Variants in SMARCA4 observed in about 807,000 individuals in gnomAD.
SMARCA4 encodes the protein SWI/SNF related BAF chromatin remodeling complex subunit ATPase 4.
Under a neutral mutation model 193.9 loss-of-function variants are expected in SMARCA4, and 31 were observed. The observed-to-expected ratio is 0.16, with a 90% CI of 0.12 to 0.22. The LOEUF (loss-of-function observed/expected upper bound fraction) is 0.22. Among genes scored for constraint, SMARCA4 ranks in the 10% least tolerant of loss-of-function variants. The pLI is 1.00. For missense variants in SMARCA4, 1,148 were observed against 2,296.0 expected, an observed-to-expected ratio of 0.50 and a Z score of 10.22; for synonymous variants, 942 against 933.1, an observed-to-expected ratio of 1.01 and a Z score of -0.17.
chr19:10,996,356 G>A lies in SMARCA4; in HGVS notation c.1737G>A (p.Glu579=), dbSNP rs1555763753. The change falls in exon 10 of 35, where the codon GAG becomes GAA. Residue 579 remains glutamate, a synonymous_variant. Coordinates refer to ENST00000344626, the MANE Select transcript of SMARCA4 (RefSeq NM_003072.5). ...RQHKAAQVAK[E]KKKKKKKKKA... is the part of the protein sequence containing the mutation. ...ACAAGGCTGCCCAGGTCGCCAAGGAGAAAAAGAAGAAAAAGAAAAAGAAGG... is the reference window on the plus strand; with the variant it reads ...ACAAGGCTGCCCAGGTCGCCAAGGAAAAAAAGAAGAAAAAGAAAAAGAAGG... The A allele has an allele frequency of 2.5e-6, 4 of 1,614,204 alleles. No individual in the cohort carries two copies. The highest frequency in any genetic ancestry group is 3.4e-6 in the Non-Finnish European group (4 of 1,180,034).
chr19:10,987,118 C>T lies in SMARCA4; in HGVS notation c.859+115C>T. 1 of 758,202 alleles carries T rather than the reference C, an allele frequency of 1.3e-6. No homozygotes were observed. 47.0% of individuals were successfully genotyped at this position (758,202 alleles called of 1,614,324 possible). On this transcript the variant is annotated intron_variant, in intron 5 of 34. Transcript: ENST00000344626. This position sits in a 1 kb window ranked among gnomAD's most constrained non-coding sequence, Gnocchi z 5.3. ...GGCCGAGGGTGGTCAGGCTGAACTG[C>T]AGCCTGTACTTTTCTTGTGGTGGTC...
At chr19:10,996,591 CGTT>C (rs2087076692) in intron 11 of SMARCA4, 47 bp downstream of exon 11, 1 of 1,558,308 alleles carries the variant, frequency 6.4e-7, no homozygotes, top group Admixed American at 1.7e-5. Context: ...AGCCCTAAGG[CGTT>C]GGTCTGTTTC....
rs563911129 is a variant in SMARCA4 at position 11,028,777 on chromosome 19, C to T, written c.3382+827C>T. Reference sequence around the variant, plus strand: ...CTGTCAGTCCCAGTGGGTCAGGGAGCCCTGGAGTGAGTTCTTCGTGGGAGT... The same window carrying T: ...CTGTCAGTCCCAGTGGGTCAGGGAGTCCTGGAGTGAGTTCTTCGTGGGAGT... On this transcript the variant is annotated intron_variant, in intron 24 of 34. Transcript: ENST00000344626. 3.3e-5 allele frequency among the ~76,000 whole-genome samples: 5 copies of T among 152,290 alleles called. No homozygotes were observed. The East Asian group carries it at 7.7e-4, about 24-fold the overall frequency.
At chr19:10,989,750 G>A (rs2086392804) in intron 7 of SMARCA4, among the ~76,000 whole-genome samples, 1 of 147,978 alleles carries the variant, frequency 6.8e-6, no homozygotes, top group South Asian at 2.1e-4. Flanking sequence ...CACCTAGGCT[G>A]GAGTGCAGTG....
rs1447890611 is a variant in SMARCA4 at position 11,035,082 on chromosome 19, C to T, written c.4120C>T (p.Arg1374Cys). 2 of 1,612,912 alleles carry T rather than the reference C, an allele frequency of 1.2e-6. No homozygotes were observed. The highest frequency in any genetic ancestry group is 2.7e-5 in the African/African-American group (2 of 74,932). Residue 1374 changes from arginine to cysteine, a missense_variant, in exon 29 of 35, where the codon CGC becomes TGC. This residue lies in a region of SMARCA4 where 84 missense variants were observed against 202.2 expected (regional missense o/e 0.42). Transcript: ENST00000344626. ...EKMFGRGSRH[R>C]KEVDYSDSLT... ...GATGTTCGGCCGTGGCTCCCGCCAC[C>T]GCAAGGAGGTGGACTACAGCGACTC... is the stretch of plus-strand genomic sequence containing the variant.
At chr19:10,972,616 T>C (rs925163079) in intron 1 of SMARCA4, among the ~76,000 whole-genome samples, 8 of 152,176 alleles carry the variant, frequency 5.3e-5, no homozygotes, top group Non-Finnish European at 1.2e-4. Context: ...GGGGAAGGCC[T>C]GTCACGAGTG....
At chr19:11,035,874 C>G (rs545161890) in intron 29 of SMARCA4, among the ~76,000 whole-genome samples, 1 of 152,230 alleles carries the variant, frequency 6.6e-6, no homozygotes, top group East Asian at 1.9e-4. Context: ...AGCTCAGGGG[C>G]TCTGAGTTAT....
In SMARCA4 at chr19:10,986,157, C is replaced by G. The variant is rs11666942; in HGVS notation, c.356-32C>G. 1 of 1,556,284 alleles carries G rather than the reference C, an allele frequency of 6.4e-7. No individual in the cohort carries two copies. The highest frequency in any genetic ancestry group is 8.9e-7 in the Non-Finnish European group (1 of 1,127,834). On this transcript the variant is annotated intron_variant, in intron 3 of 34. Coordinates refer to ENST00000344626, the MANE Select transcript of SMARCA4 (RefSeq NM_003072.5). This position sits in a 1 kb window ranked among gnomAD's most constrained non-coding sequence, Gnocchi z 6.7. ...TGTAAAAATCACAGACATATGCTGC[C>G]GAGTGACCAGTGGGCTGACCTTTCT... is the stretch of plus-strand genomic sequence containing the variant.
intron 19 of SMARCA4, 119 bp from the exon 20 acceptor site, chr19:11,023,399 G>A: frequency 1.4e-6 from 1 of 721,216 alleles, no homozygotes; most frequent in Middle Eastern, 2.4e-4. Flanking sequence ...CACGTGCCAA[G>A]GGCAAGATCA....
chr19:11,019,472 C>T lies in SMARCA4; in HGVS notation c.2506-119C>T. On this transcript the variant is annotated intron_variant, in intron 17 of 34. Coordinates refer to ENST00000344626, the MANE Select transcript of SMARCA4 (RefSeq NM_003072.5). This position sits in a 1 kb window ranked among gnomAD's most constrained non-coding sequence, Gnocchi z 6.1. ...CCTGCCAGCCCCTTTCCCCACTACCCCTGTGAGGACGAGCCCTCCCGCCGT... is the reference window on the plus strand; with the variant it reads ...CCTGCCAGCCCCTTTCCCCACTACCTCTGTGAGGACGAGCCCTCCCGCCGT... The T allele has an allele frequency of 2.8e-6, 2 of 701,802 alleles. No individual in the cohort carries two copies. Among genetic ancestry groups the T allele is most frequent in the South Asian group, 1.5e-5 (1 of 65,196 alleles). 43.5% of individuals were successfully genotyped at this position (701,802 alleles called of 1,614,324 possible). A position where few individuals can be genotyped will look rare whatever the true frequency, so the allele number is the denominator to read the frequency against.
intron 23 of SMARCA4, 107 bp downstream of exon 23, chr19:11,026,453 G>A: frequency 2.8e-6 from 2 of 717,846 alleles, no homozygotes; most frequent in East Asian, 2.8e-5. Context: ...TTCAAAGGCA[G>A]AAAATTAGAA....
At chr19:11,038,795 A>G (rs1209927106) in intron 29 of SMARCA4, among the ~76,000 whole-genome samples, 1 of 152,184 alleles carries the variant, frequency 6.6e-6, no homozygotes, top group Non-Finnish European at 1.5e-5. Flanking sequence ...AGTTATTAGT[A>G]CCATTGAAAA....
At chr19:10,999,587 G>A (rs2146034857) in intron 11 of SMARCA4, among the ~76,000 whole-genome samples, 1 of 152,222 alleles carries the variant, frequency 6.6e-6, no homozygotes, top group Non-Finnish European at 1.5e-5. Context: ...GAGTCCAAGA[G>A]TTTGAGGCTA....
rs190601685 is a variant in SMARCA4 at position 10,989,273 on chromosome 19, C to T, written c.1119-44C>T. ...GCAGCTCCAGCTGTAACTGGGTGCC[C>T]TGGCAACCCTCTCACCGCCTTTGCT... On this transcript the variant is annotated intron_variant, in intron 6 of 34. Coordinates refer to ENST00000344626, the MANE Select transcript of SMARCA4 (RefSeq NM_003072.5). The T allele has an allele frequency of 7.8e-5, 126 of 1,612,608 alleles. No homozygotes were observed. In the African/African-American group the frequency reaches 1.5e-3, roughly 19 times the overall value.
At position 11,034,069 on chromosome 19, in the gene SMARCA4, C is replaced by A. The variant is rs1361706260; in HGVS notation, c.3874-54C>A. 4 of 1,436,234 alleles carry A rather than the reference C, an allele frequency of 2.8e-6. No individual in the cohort carries two copies. The highest frequency in any genetic ancestry group is 1.7e-5 in the Admixed American group (1 of 59,770). 89.0% of individuals were successfully genotyped at this position (1,436,234 alleles called of 1,614,324 possible). On this transcript the variant is annotated intron_variant, in intron 27 of 34. Coordinates refer to ENST00000344626, the MANE Select transcript of SMARCA4 (RefSeq NM_003072.5). This position sits in a 1 kb window ranked among gnomAD's most constrained non-coding sequence, Gnocchi z 7.0. ...CGCCGCCGCTCGCCTCTGAGCTCGGCCGCCGCCCACCCCGGCCCCTCCTCA... is the reference window on the plus strand; with the variant it reads ...CGCCGCCGCTCGCCTCTGAGCTCGGACGCCGCCCACCCCGGCCCCTCCTCA...
At chr19:10,991,930 TG>T (rs1364652719) in intron 8 of SMARCA4, among the ~76,000 whole-genome samples, 3 of 152,172 alleles carry the variant, frequency 2.0e-5, no homozygotes, top group African/African-American at 7.2e-5. Context: ...GGGACTGATC[TG>T]ACTCAGGGTT....
intron 8 of SMARCA4, among the ~76,000 whole-genome samples, chr19:10,993,186 C>A (rs1300863743): frequency 6.6e-6 from 1 of 151,254 alleles, no homozygotes; most frequent in African/African-American, 2.4e-5. Context: ...GGGATTCACC[C>A]TGTTGGCCAG....
chr19:11,042,748 A>G (rs1271254570), intron 30 of SMARCA4, among the ~76,000 whole-genome samples: 2 of 152,206 alleles, frequency 1.3e-5, no homozygotes, highest in East Asian at 3.8e-4. Context: ...GCACTTTGAG[A>G]GGCTGAGGTG....
Position 11,061,982 on chromosome 19 carries a change from G to T in SMARCA4, c.*166G>T. The T allele has an allele frequency of 1.4e-6, 1 of 700,068 alleles. No individual in the cohort carries two copies. 43.4% of individuals were successfully genotyped at this position (700,068 alleles called of 1,614,324 possible). A position where few individuals can be genotyped will look rare whatever the true frequency, so the allele number is the denominator to read the frequency against. On this transcript the variant is annotated 3_prime_UTR_variant, in exon 35 of 35. Coordinates refer to ENST00000344626, the MANE Select transcript of SMARCA4 (RefSeq NM_003072.5). ...CAGCAGAGAAGCTGTAGGACTGTTT[G>T]TGACTGGCCCTGTCCTGGCATCAGT... is the stretch of plus-strand genomic sequence containing the variant.
Sources: allele counts gnomAD v4.1 joint callset (sites outside exome capture counted in the v4.1 genomes callset), GRCh38; gene constraint gnomAD v4.1.1; regional missense constraint gnomAD v4.1.1; non-coding constraint Gnocchi (gnomAD v3.1); transcripts MANE v1.5; gene names NCBI Gene and HGNC (gene_info 2026-07-23, HGNC 2026-07-21).